MAD1L1: variants seen among roughly 807,000 people sequenced by gnomAD.
MAD1L1 encodes mitotic arrest deficient 1 like 1, also known as mitotic spindle assembly checkpoint protein MAD1.
Under a neutral mutation model 96.9 loss-of-function variants are expected in MAD1L1, and 95 were observed. The ratio of observed to expected loss-of-function variants is 0.98; its 90% CI spans 0.83 to 1.16. The LOEUF (loss-of-function observed/expected upper bound fraction) is 1.16. Among genes scored for constraint, MAD1L1 ranks in the 50% most tolerant of loss-of-function variants. The pLI is 0.00. For synonymous variants in MAD1L1, 473 were observed against 396.6 expected, an observed-to-expected ratio of 1.19 and a Z score of -2.29; for missense variants, 1,007 against 954.4, an observed-to-expected ratio of 1.06 and a Z score of -0.73.
At chr7:1,883,163 T>C (rs184361732) in intron 18 of MAD1L1, among the ~76,000 whole-genome samples, 6 of 147,764 alleles carry the variant, frequency 4.1e-5, no homozygotes, top group Non-Finnish European at 7.5e-5. Context: ...CAGCTCCTTA[T>C]CACCAAACCT....
chr7:1,938,590 G>A (rs929798629), intron 16 of MAD1L1, among the ~76,000 whole-genome samples: 3 of 152,152 alleles, frequency 2.0e-5, no homozygotes, highest in Non-Finnish European at 2.9e-5. Flanking sequence ...AAATAACCAA[G>A]GGCATGTCAG....
At chr7:1,901,468 C>T (rs557137913) in intron 17 of MAD1L1, among the ~76,000 whole-genome samples, 82 of 152,304 alleles carry the variant, frequency 5.4e-4, no homozygotes, top group African/African-American at 1.8e-3. Context: ...GCCCTGTGCC[C>T]GACCCCAGCC....
chr7:1,900,173 C>T (rs534851120), intron 17 of MAD1L1, among the ~76,000 whole-genome samples: 33 of 152,240 alleles, frequency 2.2e-4, no homozygotes, highest in Middle Eastern at 3.2e-3. Flanking sequence ...GCTATGAACA[C>T]GATCCGATCC....
chr7:2,042,511 C>T (rs992611446), intron 12 of MAD1L1, among the ~76,000 whole-genome samples: 5 of 152,144 alleles, frequency 3.3e-5, no homozygotes, highest in African/African-American at 4.8e-5. Context: ...AAATACTTGG[C>T]GATATGGTTT....
At position 2,137,299 on chromosome 7, in the gene MAD1L1, C is replaced by T. The variant is rs553338006; in HGVS notation, c.1073+11853G>A. On this transcript the variant is annotated intron_variant, in intron 11 of 18. Transcript: ENST00000265854. Reference sequence around the variant, plus strand: ...AATGTTTGAGGAAATCTACATTCTACTACCACCTTTTGGGGGCCAAGAAAG... The same window carrying T: ...AATGTTTGAGGAAATCTACATTCTATTACCACCTTTTGGGGGCCAAGAAAG... Among the ~76,000 whole-genome samples the T allele has an allele frequency of 4.6e-4, 70 of 152,364 alleles. 1 individual carries two copies. The highest frequency in any genetic ancestry group is 1.3e-3 in the African/African-American group (52 of 41,588).
chr7:2,090,211 G>C (rs999228459), intron 11 of MAD1L1, among the ~76,000 whole-genome samples: 2 of 150,336 alleles, frequency 1.3e-5, no homozygotes, highest in African/African-American at 2.5e-5. Context: ...GTGGAGGTGA[G>C]AGAAGGGTAG....
chr7:2,001,286 C>A (rs151162740), intron 14 of MAD1L1, among the ~76,000 whole-genome samples: 2 of 152,286 alleles, frequency 1.3e-5, no homozygotes, highest in Non-Finnish European at 2.9e-5. Context: ...TGCAGACACA[C>A]GCACGCACGC....
chr7:1,956,985 C>T (rs1779755201), intron 16 of MAD1L1, among the ~76,000 whole-genome samples: 1 of 152,216 alleles, frequency 6.6e-6, no homozygotes, highest in South Asian at 2.1e-4. Flanking sequence ...CAGCCCAACA[C>T]CCAGAAAGAC....
chr7:1,938,910 CACACACACACACACACACAT>C lies in MAD1L1; in HGVS notation c.1597-2033_1597-2014del, dbSNP rs1295713208. ...GGCCGGGGCCAGAGGCGCGCACACA[CACACACACACACACACACAT>C]ACAGGCCAGGACCGGGACCAGAGGC... On this transcript the variant is annotated intron_variant, in intron 16 of 18. Transcript: ENST00000265854. Among the ~76,000 whole-genome samples the C allele has an allele frequency of 3.3e-4, 48 of 143,566 alleles. 1 individual carries two copies. The South Asian group carries it at 6.4e-3, about 19-fold the overall frequency. 94.2% of individuals were successfully genotyped at this position (143,566 alleles called of 152,430 possible).
At position 1,898,482 on chromosome 7, in the gene MAD1L1, C is replaced by G. The variant is rs1278343597; in HGVS notation, c.1808-92G>C. 8.1e-6 allele frequency: 9 copies of G among 1,116,498 alleles called. No homozygotes were observed. The East Asian group carries it at 9.9e-5, about 12-fold the overall frequency. 69.2% of individuals were successfully genotyped at this position (1,116,498 alleles called of 1,614,324 possible). On this transcript the variant is annotated intron_variant, in intron 17 of 18. Transcript: ENST00000265854. ...GCCAGGGCAGGGAGGAAGCCGAGTA[C>G]AGGTGGGAGTGGCGGCTGCCCAGGG...
chr7:2,076,927 C>A (rs909415297), intron 11 of MAD1L1, among the ~76,000 whole-genome samples: 2 of 151,746 alleles, frequency 1.3e-5, no homozygotes, highest in African/African-American at 2.4e-5. Context: ...GCATGGTCAG[C>A]CCGAGACAGT....
intron 16 of MAD1L1, among the ~76,000 whole-genome samples, chr7:1,945,004 C>T (rs1267806849): frequency 2.6e-5 from 4 of 152,304 alleles, no homozygotes; most frequent in South Asian, 2.1e-4. Flanking sequence ...GAGACGGGTA[C>T]GGGCAGCCCC....
At chr7:1,884,283 G>A (rs1785874817) in intron 18 of MAD1L1, among the ~76,000 whole-genome samples, 1 of 152,174 alleles carries the variant, frequency 6.6e-6, no homozygotes, top group Non-Finnish European at 1.5e-5. Flanking sequence ...GCATGCCCCT[G>A]GCCACCCACC....
intron 11 of MAD1L1, among the ~76,000 whole-genome samples, chr7:2,084,937 C>T (rs942664123): frequency 2.6e-5 from 4 of 152,170 alleles, no homozygotes; most frequent in Admixed American, 2.6e-4. Flanking sequence ...TTGCCGTCAT[C>T]GTTTCCTGAA....
chr7:2,175,677 A>T (rs529341994), intron 10 of MAD1L1, among the ~76,000 whole-genome samples: 1 of 152,242 alleles, frequency 6.6e-6, no homozygotes, highest in Admixed American at 6.5e-5. Context: ...GGCTTGTTGA[A>T]TGACTGCCAA....
chr7:2,060,084 A>G (rs60626033), intron 12 of MAD1L1, among the ~76,000 whole-genome samples: 50,532 of 147,670 alleles, frequency 0.34, 9,251 homozygotes, highest in African/African-American at 0.49. Context: ...CGCTGATGCC[A>G]AGATACGCTG....
At chr7:2,027,571 G>A (rs189763693) in intron 12 of MAD1L1, among the ~76,000 whole-genome samples, 15 of 152,196 alleles carry the variant, frequency 9.9e-5, no homozygotes, top group East Asian at 9.6e-4. Context: ...AATTTAATGC[G>A]CATTAACAAA....
intron 10 of MAD1L1, among the ~76,000 whole-genome samples, chr7:2,157,718 T>C (rs1789912381): frequency 6.6e-6 from 1 of 152,200 alleles, no homozygotes; most frequent in African/African-American, 2.4e-5. Flanking sequence ...TGTTGAATCA[T>C]GAAGGGTTAT....
In MAD1L1 at chr7:1,957,860, C is replaced by CA. The variant is rs2128474127; in HGVS notation, c.1506-142dup. The CA allele has an allele frequency of 4.4e-6, 3 of 689,100 alleles. No individual in the cohort carries two copies. In the East Asian group the frequency reaches 8.0e-5, roughly 18 times the overall value. The allele number at this position is 689,100 out of a possible 1,614,324, so 42.7% of individuals were successfully genotyped here. A position where few individuals can be genotyped will look rare whatever the true frequency, so the allele number is the denominator to read the frequency against. Reference sequence around the variant, plus strand: ...TCTAAATACATATCTGTGAAGCTCTCAGAGTCCAGCGATAACATCAAGAGA... The same window carrying CA: ...TCTAAATACATATCTGTGAAGCTCTCAAGAGTCCAGCGATAACATCAAGAGA... On this transcript the variant is annotated intron_variant, in intron 15 of 18. Transcript: ENST00000265854.
Sources: gnomAD v4.1 joint callset for allele counts (sites outside exome capture counted in the v4.1 genomes callset) on GRCh38, gnomAD v4.1.1 for gene constraint, MANE v1.5 for transcripts, NCBI Gene and HGNC (gene_info 2026-07-23, HGNC 2026-07-21) for gene names.